The following EVI5 variants were observed in gnomAD, a reference collection of about 807,000 sequenced individuals.
The protein encoded by EVI5 is ecotropic viral integration site 5.
In EVI5, 73 loss-of-function variants were observed where a neutral mutation model predicts 112.0. The ratio of observed to expected loss-of-function variants is 0.65; its 90% CI spans 0.54 to 0.79. EVI5 has a LOEUF of 0.79. Ranked by LOEUF, EVI5 falls within the 30% of genes least tolerant of loss-of-function variation. EVI5 has a pLI of 0.00. For synonymous variants in EVI5, 305 were observed against 319.9 expected, an observed-to-expected ratio of 0.95 and a Z score of 0.50; for missense variants, 900 against 968.8, an observed-to-expected ratio of 0.93 and a Z score of 0.94.
At chr1:92,635,973 G>C (rs1007513604) in intron 14 of EVI5, among the ~76,000 whole-genome samples, 4 of 152,086 alleles carry the variant, frequency 2.6e-5, no homozygotes, top group Non-Finnish European at 5.9e-5. Context: ...CTCCAAAAGG[G>C]CTCTAATCTC....
chr1:92,572,373 T>G (rs1044486626), intron 18 of EVI5, among the ~76,000 whole-genome samples: 6 of 152,168 alleles, frequency 3.9e-5, no homozygotes, highest in African/African-American at 1.4e-4. Context: ...CACTGTACAA[T>G]TCTTTCAAAT....
intron 19 of EVI5, among the ~76,000 whole-genome samples, chr1:92,560,381 T>G (rs1264467618): frequency 6.6e-6 from 1 of 152,130 alleles, no homozygotes; most frequent in Non-Finnish European, 1.5e-5. Flanking sequence ...ATGGTTACCT[T>G]TGAGTAGAAG....
chr1:92,526,348 C>T (rs371133857), intron 19 of EVI5, among the ~76,000 whole-genome samples: 7 of 152,180 alleles, frequency 4.6e-5, no homozygotes, highest in East Asian at 3.9e-4. Flanking sequence ...CATAAGCCGC[C>T]GTGCCCAGCC....
At chr1:92,573,999 A>C (rs1670671140) in intron 18 of EVI5, among the ~76,000 whole-genome samples, 1 of 152,132 alleles carries the variant, frequency 6.6e-6, no homozygotes, top group South Asian at 2.1e-4. Context: ...GGAAACAATG[A>C]ATCTTATTTT....
chr1:92,707,797 CAT>C (rs1672241693), intron 2 of EVI5, among the ~76,000 whole-genome samples: 1 of 152,034 alleles, frequency 6.6e-6, no homozygotes, highest in Admixed American at 6.5e-5. Flanking sequence ...ACAAAGAAGA[CAT>C]AGTTGAAAGT....
intron 18 of EVI5, among the ~76,000 whole-genome samples, chr1:92,584,403 A>C (rs112049305): frequency 2.0e-5 from 3 of 152,320 alleles, no homozygotes; most frequent in African/African-American, 7.2e-5. Flanking sequence ...GTCTTAAGCA[A>C]ATTATTACTG....
chr1:92,603,695 T>G (rs1244783833), intron 18 of EVI5, among the ~76,000 whole-genome samples: 1 of 151,572 alleles, frequency 6.6e-6, no homozygotes, highest in East Asian at 1.9e-4. Flanking sequence ...ATATCTTTAT[T>G]CTATAAGCTT....
At chr1:92,773,779 C>T (rs1162599875) in intron 1 of EVI5, 1 of 152,248 alleles carries the variant, frequency 6.6e-6, no homozygotes, top group East Asian at 1.9e-4. Context: ...AATCCCAACA[C>T]TTTGGGAGCC....
intron 13 of EVI5, among the ~76,000 whole-genome samples, chr1:92,659,782 T>A (rs1364628569): frequency 6.6e-6 from 1 of 152,034 alleles, no homozygotes; most frequent in Non-Finnish European, 1.5e-5. Context: ...ATACCTGTAC[T>A]CATATATTTC....
At chr1:92,603,301 A>T (rs1200793741) in intron 18 of EVI5, among the ~76,000 whole-genome samples, 1 of 152,218 alleles carries the variant, frequency 6.6e-6, no homozygotes, top group Non-Finnish European at 1.5e-5. Context: ...GCAATTTCTT[A>T]AAAAAATTAA....
At chr1:92,669,592 T>C (rs1013680184) in intron 10 of EVI5, among the ~76,000 whole-genome samples, 4 of 135,526 alleles carry the variant, frequency 3.0e-5, no homozygotes, top group African/African-American at 1.1e-4. Flanking sequence ...TTATATAACA[T>C]GGAGCTATTT....
intron 18 of EVI5, among the ~76,000 whole-genome samples, chr1:92,602,112 G>C (rs1241984036): frequency 6.6e-6 from 1 of 152,050 alleles, no homozygotes; most frequent in Non-Finnish European, 1.5e-5. Flanking sequence ...ATGTGTTGTG[G>C]TTACTTTTGA....
chr1:92,623,809 C>T (rs1215949483), intron 16 of EVI5, among the ~76,000 whole-genome samples: 4 of 152,196 alleles, frequency 2.6e-5, no homozygotes, highest in Non-Finnish European at 4.4e-5. Context: ...ACATCTACAA[C>T]GCATGGACCA....
chr1:92,760,489 T>C (rs1394359082), intron 1 of EVI5, among the ~76,000 whole-genome samples: 3 of 152,248 alleles, frequency 2.0e-5, no homozygotes, highest in Non-Finnish European at 4.4e-5. Context: ...CCCAGCACAC[T>C]GGGAGGCTGA....
At chr1:92,528,832 T>C (rs1461301938) in intron 19 of EVI5, among the ~76,000 whole-genome samples, 1 of 152,220 alleles carries the variant, frequency 6.6e-6, no homozygotes, top group African/African-American at 2.4e-5. Flanking sequence ...ATTCTGGTAA[T>C]GTTCCAGTTC....
intron 10 of EVI5, among the ~76,000 whole-genome samples, chr1:92,671,394 T>C (rs1261994276): frequency 1.3e-5 from 2 of 152,194 alleles, no homozygotes; most frequent in Non-Finnish European, 2.9e-5. Context: ...TGTTGGTTTA[T>C]TCTCAGGCTC....
chr1:92,692,030 T>C (rs1669575943), intron 9 of EVI5, among the ~76,000 whole-genome samples: 1 of 152,168 alleles, frequency 6.6e-6, no homozygotes, highest in South Asian at 2.1e-4. Flanking sequence ...TCTCAGTAAC[T>C]ATGCAATAAC....
intron 13 of EVI5, among the ~76,000 whole-genome samples, chr1:92,636,810 AT>A (rs1658933292): frequency 6.6e-6 from 1 of 152,226 alleles, no homozygotes; most frequent in Non-Finnish European, 1.5e-5. Flanking sequence ...AATCTCAATG[AT>A]TTTTATATTG....
At chr1:92,684,990 G>T (rs1291781023) in intron 9 of EVI5, among the ~76,000 whole-genome samples, 1 of 151,910 alleles carries the variant, frequency 6.6e-6, no homozygotes, top group East Asian at 1.9e-4. Flanking sequence ...ATACTAGACA[G>T]ATCAACAAGA....
Sources: gnomAD v4.1 joint callset for allele counts (sites outside exome capture counted in the v4.1 genomes callset) on GRCh38, gnomAD v4.1.1 for gene constraint, MANE v1.5 for transcripts, NCBI Gene and HGNC (gene_info 2026-07-23, HGNC 2026-07-21) for gene names.